MYL10: variants seen among roughly 807,000 people sequenced by gnomAD.
The protein encoded by MYL10 is myosin light chain 10, also known as myosin regulatory light chain 10.
MYL10 carries 18 observed loss-of-function variants against 21.9 expected under a neutral mutation model. The ratio of observed to expected loss-of-function variants is 0.82; its 90% CI spans 0.57 to 1.22. The LOEUF (loss-of-function observed/expected upper bound fraction) is 1.22, where lower values mean the gene tolerates loss of function less well. Ranked by LOEUF, MYL10 falls within the 50% of genes most tolerant of loss-of-function variation. MYL10 has a pLI of 0.00. For synonymous variants in MYL10, 88 were observed against 82.8 expected, an observed-to-expected ratio of 1.06 and a Z score of -0.34; for missense variants, 225 against 230.4, an observed-to-expected ratio of 0.98 and a Z score of 0.15.
chr7:101,626,308 G>A (rs1482615007), intron 1 of MYL10, among the ~76,000 whole-genome samples: 2 of 152,220 alleles, frequency 1.3e-5, no homozygotes, highest in Non-Finnish European at 2.9e-5. Flanking sequence ...ACCCAGGGCT[G>A]AATCAGGCCC....
rs549382725 is a variant in MYL10 at position 101,622,914 on chromosome 7, G to T, written c.349+83C>A. The T allele has an allele frequency of 1.5e-5, 19 of 1,306,124 alleles. No homozygotes were observed. In the East Asian group the frequency reaches 2.4e-4, roughly 16 times the overall value. The allele number at this position is 1,306,124 out of a possible 1,614,324, so 80.9% of individuals were successfully genotyped here. On this transcript the variant is annotated intron_variant, in intron 4 of 7. Transcript: ENST00000223167. ...AGCACAGGAGCCTCTCACGCTCACC[G>T]CGAGCCCTGCCCTGCTGGCCCCAAC...
intron 1 of MYL10, among the ~76,000 whole-genome samples, chr7:101,628,241 G>C (rs1224139156): frequency 6.6e-6 from 1 of 152,074 alleles, no homozygotes; most frequent in Non-Finnish European, 1.5e-5. Flanking sequence ...ATCGCTTCAG[G>C]CCAGGAGTTC....
intron 1 of MYL10, among the ~76,000 whole-genome samples, chr7:101,626,564 G>A (rs765037251): frequency 1.2e-4 from 19 of 152,192 alleles, no homozygotes; most frequent in Non-Finnish European, 2.8e-4. Context: ...GGAGTCCCCA[G>A]GGGCAGGAAC....
In MYL10 at chr7:101,616,113, C is replaced by G; in HGVS notation, c.533+107G>C. 4 of 883,532 alleles carry G rather than the reference C, an allele frequency of 4.5e-6. No individual in the cohort carries two copies. In the South Asian group the frequency reaches 4.6e-5, roughly 10 times the overall value. 54.7% of individuals were successfully genotyped at this position (883,532 alleles called of 1,614,324 possible). ...TATCACTGGGCTGGGCAGCGGCCCC[C>G]CAGCTCCTGGCTTCTGGGAGAGGAG... On this transcript the variant is annotated intron_variant, in intron 6 of 7. Transcript: ENST00000223167.
chr7:101,618,292 G>A (rs1254624696), intron 5 of MYL10, among the ~76,000 whole-genome samples: 1 of 152,226 alleles, frequency 6.6e-6, no homozygotes, highest in African/African-American at 2.4e-5. Context: ...CAGGCAGGGG[G>A]TAGCAGGTGC....
At chr7:101,621,030 C>T (rs1187729440) in intron 5 of MYL10, among the ~76,000 whole-genome samples, 1 of 152,080 alleles carries the variant, frequency 6.6e-6, no homozygotes, top group Admixed American at 6.6e-5. Flanking sequence ...CTCAGGTGAT[C>T]CACCCACCTC....
chr7:101,618,435 G>A (rs967758460), intron 5 of MYL10, among the ~76,000 whole-genome samples: 1 of 152,214 alleles, frequency 6.6e-6, no homozygotes, highest in African/African-American at 2.4e-5. Flanking sequence ...AGGCCTCACT[G>A]CTGAGGCAGG....
At chr7:101,623,220 C>T in intron 3 of MYL10, 148 bp from the exon 4 acceptor site, 1 of 635,488 alleles carries the variant, frequency 1.6e-6, no homozygotes. Context: ...ATCCCCAACC[C>T]CTCATTTCAG....
In MYL10 at chr7:101,624,197, T is replaced by C; in HGVS notation, c.146A>G (p.Gln49Arg). 4 of 1,613,478 alleles carry C rather than the reference T, an allele frequency of 2.5e-6. No individual in the cohort carries two copies. The highest frequency in any genetic ancestry group is 1.1e-5 in the South Asian group (1 of 91,056). ...CTCTTTAAACTCCTGGATCTGGGAC[T>C]GATCAAACATGGAGAAGACGTTGGA... ...ASSNVFSMFDQSQIQEFKESL... is the reference protein window; with the variant it reads ...ASSNVFSMFDRSQIQEFKESL... The change falls in exon 2 of 8, where the codon CAG becomes CGG. Residue 49 changes from glutamine (Q) to arginine (R), a missense_variant. Gln to Arg is a conservative substitution (Grantham distance 43). Coordinates refer to ENST00000223167, the MANE Select transcript of MYL10 (RefSeq NM_138403.5).
rs77280464 is a variant in MYL10 at position 101,623,171 on chromosome 7, G to A, written c.274-99C>T. 1,997 of 1,104,628 alleles carry A rather than the reference G, an allele frequency of 1.8e-3. 18 individuals are homozygous for A. In the African/African-American group the frequency reaches 0.024, roughly 13 times the overall value. The allele number at this position is 1,104,628 out of a possible 1,614,324, so 68.4% of individuals were successfully genotyped here. On this transcript the variant is annotated intron_variant, in intron 3 of 7. Coordinates refer to ENST00000223167, the MANE Select transcript of MYL10 (RefSeq NM_138403.5). ...TGCCGACTGCTGCCCAAGGAGCCTC[G>A]GGGCAGGTCCCTCTGGCAGCCCAGC...
At chr7:101,620,715 A>T (rs1176263284) in intron 5 of MYL10, among the ~76,000 whole-genome samples, 2 of 151,766 alleles carry the variant, frequency 1.3e-5, no homozygotes, top group Non-Finnish European at 2.9e-5. Flanking sequence ...TGGCAGGGGC[A>T]GCCTGAGGGT....
rs1796576444 is a variant in MYL10 at position 101,613,680 on chromosome 7, G to A, written c.564C>T (p.Asp188=). Residue 188 remains aspartate (D), a synonymous_variant, in exon 7 of 8, where the codon GAC becomes GAT. Coordinates refer to ENST00000223167, the MANE Select transcript of MYL10 (RefSeq NM_138403.5). ...VIKEKLMTQA[D]RFSEEEVKQM... ...AGTTTACCTCCTCCTCACTGAAGCG[G>A]TCTGCCTGGGTCATAAGTTTTTCTT... 6.2e-7 allele frequency: 1 copy of A among 1,614,030 alleles called. No individual in the cohort carries two copies. Among genetic ancestry groups the A allele is most frequent in the Admixed American group, 1.7e-5 (1 of 59,998 alleles).
At position 101,622,994 on chromosome 7, in the gene MYL10, C is replaced by T; in HGVS notation, c.349+3G>A. The T allele has an allele frequency of 8.7e-6, 14 of 1,613,648 alleles. No individual in the cohort carries two copies. The highest frequency in any genetic ancestry group is 1.2e-5 in the Non-Finnish European group (14 of 1,179,780). Reference sequence around the variant, plus strand: ...AATCTCCCCCGGCTGCTGGCTCACCCACCCAGCGCGGCAAAGGTGTCCCTC... The same window carrying T: ...AATCTCCCCCGGCTGCTGGCTCACCTACCCAGCGCGGCAAAGGTGTCCCTC... On this transcript the variant is annotated splice_donor_region_variant and intron_variant, in intron 4 of 7. Transcript: ENST00000223167.
intron 1 of MYL10, among the ~76,000 whole-genome samples, chr7:101,626,455 G>A (rs1056128462): frequency 2.6e-5 from 4 of 152,164 alleles, no homozygotes; most frequent in African/African-American, 4.8e-5. Context: ...GTGACAAGCC[G>A]AGGCTGACAG....
At chr7:101,618,017 C>T (rs1796629069) in intron 5 of MYL10, among the ~76,000 whole-genome samples, 1 of 152,046 alleles carries the variant, frequency 6.6e-6, no homozygotes, top group African/African-American at 2.4e-5. Context: ...CCTCTCCCAT[C>T]AGACTGGGTC....
At chr7:101,614,596 T>C (rs1280391542) in intron 6 of MYL10, among the ~76,000 whole-genome samples, 1 of 151,990 alleles carries the variant, frequency 6.6e-6, no homozygotes, top group African/African-American at 2.4e-5. Context: ...GGGCTTGGGG[T>C]TACTCCGGGG....
Position 101,616,143 on chromosome 7 carries a change from G to A in MYL10, c.533+77C>T, listed in dbSNP as rs1483100867. On this transcript the variant is annotated intron_variant, in intron 6 of 7. Coordinates refer to ENST00000223167, the MANE Select transcript of MYL10 (RefSeq NM_138403.5). The stretch of plus-strand genomic sequence containing the variant: ...TCCTGGCTTCTGGGAGAGGAGACTG[G>A]GCGACCATCCACCCTGACCCCAGCC... 7 of 1,255,958 alleles carry A rather than the reference G, an allele frequency of 5.6e-6. No homozygotes were observed. In the Admixed American group the frequency reaches 5.6e-5, roughly 10 times the overall value. 77.8% of individuals were successfully genotyped at this position (1,255,958 alleles called of 1,614,324 possible).
At chr7:101,621,354 C>T (rs1234410259) in intron 5 of MYL10, among the ~76,000 whole-genome samples, 1 of 152,134 alleles carries the variant, frequency 6.6e-6, no homozygotes, top group East Asian at 1.9e-4. Flanking sequence ...CTCCCCGATC[C>T]TTCCTCTGGG....
At chr7:101,616,070 G>A (rs773807209) in intron 6 of MYL10, 150 bp downstream of exon 6, 1 of 636,290 alleles carries the variant, frequency 1.6e-6, no homozygotes, top group Non-Finnish European at 2.9e-6. Flanking sequence ...CCCAGAGAGG[G>A]GAAGGGACAT....
Sources: allele counts gnomAD v4.1 joint callset (sites outside exome capture counted in the v4.1 genomes callset), GRCh38; gene constraint gnomAD v4.1.1; transcripts MANE v1.5; gene names NCBI Gene and HGNC (gene_info 2026-07-23, HGNC 2026-07-21).